Variants in XKR6 observed in about 807,000 individuals in gnomAD.
XKR6 encodes XK related 6.
XKR6 carries 22 observed loss-of-function variants against 56.7 expected under a neutral mutation model. The ratio of observed to expected loss-of-function variants is 0.39; its 90% confidence interval spans 0.28 to 0.55. The LOEUF (loss-of-function observed/expected upper bound fraction) is 0.55. XKR6 is among the 20% of genes least tolerant of loss of function. The pLI is 0.66. For synonymous variants in XKR6, 524 were observed against 387.8 expected (o/e 1.35, Z -4.13); for missense variants, 852 against 889.0 (o/e 0.96, Z 0.53).
At chr8:10,964,969 TC>T (rs1216688411) in intron 1 of XKR6, among the ~76,000 whole-genome samples, 1 of 152,226 alleles carries the variant, frequency 6.6e-6, no homozygotes, top group Non-Finnish European at 1.5e-5. Context: ...TTTACAGGCT[TC>T]CTCCACTAGG....
chr8:11,098,109 C>G (rs1413056222), intron 1 of XKR6, among the ~76,000 whole-genome samples: 1 of 152,126 alleles, frequency 6.6e-6, no homozygotes, highest in Non-Finnish European at 1.5e-5. Context: ...ACCAGCAGCA[C>G]TGGCTTCGAC....
chr8:11,052,934 C>A (rs1313566237), intron 1 of XKR6, among the ~76,000 whole-genome samples: 1 of 152,182 alleles, frequency 6.6e-6, no homozygotes, highest in Non-Finnish European at 1.5e-5. Context: ...ACCGCTGAAG[C>A]CCCGGCCTGT....
At chr8:11,161,828 C>A (rs1328987337) in intron 1 of XKR6, among the ~76,000 whole-genome samples, 1 of 151,982 alleles carries the variant, frequency 6.6e-6, no homozygotes, top group African/African-American at 2.4e-5. Flanking sequence ...GTACCTGCAA[C>A]TCAAAATTCT....
At chr8:11,038,487 TGTA>T (rs149527049) in intron 1 of XKR6, among the ~76,000 whole-genome samples, 8,904 of 148,950 alleles carry the variant, frequency 0.06, 339 homozygotes, top group Middle Eastern at 0.099. Context: ...GATAAGTAAT[TGTA>T]GTCATTTTGT....
At chr8:11,019,632 G>C (rs748257232) in intron 1 of XKR6, among the ~76,000 whole-genome samples, 1 of 152,198 alleles carries the variant, frequency 6.6e-6, no homozygotes, top group Non-Finnish European at 1.5e-5. Context: ...GAGGTGGTGT[G>C]AGCAGTGTGG....
intron 1 of XKR6, among the ~76,000 whole-genome samples, chr8:11,185,141 T>A (rs894220759): frequency 1.3e-5 from 2 of 152,182 alleles, no homozygotes; most frequent in African/African-American, 4.8e-5. Flanking sequence ...TGTGATGGGA[T>A]GGCACCCTGT....
chr8:11,085,023 C>A (rs968809382), intron 1 of XKR6, among the ~76,000 whole-genome samples: 2 of 152,172 alleles, frequency 1.3e-5, no homozygotes, highest in African/African-American at 2.4e-5. Context: ...CAGTTTCCCA[C>A]CCCCCAGCTC....
At chr8:10,904,496 G>T (rs1056628811) in intron 2 of XKR6, among the ~76,000 whole-genome samples, 1 of 152,192 alleles carries the variant, frequency 6.6e-6, no homozygotes, top group Admixed American at 6.5e-5. Context: ...AAAGCAACAC[G>T]TGTGGATATG....
At chr8:11,082,051 T>A (rs758805698) in intron 1 of XKR6, among the ~76,000 whole-genome samples, 2 of 152,190 alleles carry the variant, frequency 1.3e-5, no homozygotes, top group African/African-American at 4.8e-5. Context: ...GAGCTAGCAG[T>A]CAGACCAGGC....
chr8:10,944,148 A>ATCC (rs1586335480), intron 1 of XKR6, among the ~76,000 whole-genome samples: 1 of 151,958 alleles, frequency 6.6e-6, no homozygotes, highest in East Asian at 1.9e-4. Flanking sequence ...AGAGTGCACT[A>ATCC]AACTGAGTTT....
intron 1 of XKR6, among the ~76,000 whole-genome samples, chr8:10,965,747 T>A (rs1802203300): frequency 6.6e-6 from 1 of 152,184 alleles, no homozygotes. Context: ...GCAGTTTAAC[T>A]CTTACTCCGC....
intron 1 of XKR6, among the ~76,000 whole-genome samples, chr8:10,986,688 A>G (rs1250144259): frequency 1.3e-5 from 2 of 152,212 alleles, no homozygotes; most frequent in Non-Finnish European, 2.9e-5. Flanking sequence ...CAGCTGAATG[A>G]TCTAGACAAT....
rs565922439 is a variant in XKR6, at chr8:10,953,060, A to G, written c.765-28230T>C. 4.6e-5 allele frequency among the ~76,000 whole-genome samples: 7 copies of G among 152,240 alleles called. No homozygotes were observed. The East Asian group carries it at 1.2e-3, about 25-fold the overall frequency. On this transcript the variant is annotated intron_variant, in intron 1 of 2. Coordinates refer to ENST00000416569, the MANE Select transcript of XKR6 (RefSeq NM_173683.4). ...CCAGATGGGACCATCTAGTTGTAGG[A>G]AAACAAGCCCAGGGCTCCCACTGAT...
intron 1 of XKR6, among the ~76,000 whole-genome samples, chr8:11,085,518 T>A (rs1797857690): frequency 6.6e-6 from 1 of 152,058 alleles, no homozygotes; most frequent in Non-Finnish European, 1.5e-5. Flanking sequence ...GCTGCATTAA[T>A]CCTCATACCA....
At chr8:10,914,127 G>A (rs1356669186) in intron 2 of XKR6, among the ~76,000 whole-genome samples, 3 of 152,092 alleles carry the variant, frequency 2.0e-5, no homozygotes, top group Admixed American at 2.0e-4. Flanking sequence ...GGGTCTATGG[G>A]TGTAAGCTTC....
rs1177474062 is a variant in XKR6 at position 10,966,362 on chromosome 8, G to A, written c.765-41532C>T. Among the ~76,000 whole-genome samples the A allele has an allele frequency of 3.3e-5, 5 of 152,166 alleles. No individual in the cohort carries two copies. In the East Asian group the frequency reaches 7.7e-4, roughly 24 times the overall value. On this transcript the variant is annotated intron_variant, in intron 1 of 2. Coordinates refer to ENST00000416569, the MANE Select transcript of XKR6 (RefSeq NM_173683.4). ...CTGTACCATCACCATTAGCATCACC[G>A]AGAAATGTATTAAAAACGCAAGTTA...
intron 1 of XKR6, among the ~76,000 whole-genome samples, chr8:10,975,022 T>A (rs975272378): frequency 1.3e-5 from 2 of 152,332 alleles, no homozygotes; most frequent in East Asian, 3.9e-4. Flanking sequence ...TGGTTTCAAA[T>A]CCCACCTCTG....
At chr8:10,929,801 C>A (rs115507371) in intron 1 of XKR6, among the ~76,000 whole-genome samples, 2 of 152,172 alleles carry the variant, frequency 1.3e-5, no homozygotes, top group Non-Finnish European at 2.9e-5. Flanking sequence ...AGTCACCATG[C>A]AGATGGCAGC....
At chr8:11,037,973 G>C (rs1302472777) in intron 1 of XKR6, among the ~76,000 whole-genome samples, 1 of 150,318 alleles carries the variant, frequency 6.7e-6, no homozygotes, top group East Asian at 1.9e-4. Flanking sequence ...GTTGTAGTGA[G>C]CCAAGATCAT....
Sources: allele counts gnomAD v4.1 joint callset (sites outside exome capture counted in the v4.1 genomes callset), GRCh38; gene constraint gnomAD v4.1.1; transcripts MANE v1.5; gene names NCBI Gene and HGNC (gene_info 2026-07-23, HGNC 2026-07-21).